The following NYAP2 variants were observed in gnomAD, a reference collection of about 807,000 sequenced individuals.
NYAP2 encodes neuronal tyrosine-phosphorylated phosphoinositide-3-kinase adapter 2.
In NYAP2, 23 loss-of-function variants were observed where a neutral mutation model predicts 50.4. The observed-to-expected ratio is 0.46, with a 90% CI of 0.33 to 0.65. The LOEUF is 0.65. Among genes scored for constraint, NYAP2 ranks in the 30% least tolerant of loss-of-function variants. NYAP2 has a pLI of 0.02. For synonymous variants in NYAP2, 394 were observed against 365.2 expected (o/e 1.08, Z -0.90); for missense variants, 885 against 861.0 (o/e 1.03, Z -0.35).
chr2:225,436,723 T>C (rs1299554546), intron 3 of NYAP2, among the ~76,000 whole-genome samples: 2 of 147,434 alleles, frequency 1.4e-5, no homozygotes, highest in Middle Eastern at 3.5e-3. Flanking sequence ...ACTCTGATAG[T>C]TTTCTTCTGT....
chr2:225,443,752 A>G (rs1484752135), intron 3 of NYAP2, among the ~76,000 whole-genome samples: 1 of 152,186 alleles, frequency 6.6e-6, no homozygotes, highest in Non-Finnish European at 1.5e-5. Flanking sequence ...TAAAGTTTTG[A>G]GTTTTCTTCT....
intron 2 of NYAP2, among the ~76,000 whole-genome samples, chr2:225,404,363 C>T (rs1344129471): frequency 1.3e-5 from 2 of 151,854 alleles, no homozygotes; most frequent in Non-Finnish European, 2.9e-5. Flanking sequence ...CTATGAATTC[C>T]ATTTTGACAT....
intron 3 of NYAP2, among the ~76,000 whole-genome samples, chr2:225,433,029 T>C (rs1459468146): frequency 6.6e-6 from 1 of 152,178 alleles, no homozygotes; most frequent in Admixed American, 6.5e-5. Context: ...GGAAGTATAG[T>C]TTTTAGCTCA....
intron 5 of NYAP2, among the ~76,000 whole-genome samples, chr2:225,593,390 C>T (rs1403895582): frequency 6.6e-6 from 1 of 152,168 alleles, no homozygotes; most frequent in Non-Finnish European, 1.5e-5. Flanking sequence ...ATCTGTAAAT[C>T]TCCAAAGGGA....
the NYAP2 span, chr2:225,702,709 T>C: frequency 6.6e-6 from 1 of 151,756 alleles, no homozygotes; most frequent in African/African-American, 2.4e-5. Flanking sequence ...TTTAAAACTC[T>C]TTGATATTTG....
chr2:225,411,751 T>C (rs1164169236), intron 3 of NYAP2, among the ~76,000 whole-genome samples: 1 of 151,894 alleles, frequency 6.6e-6, no homozygotes, highest in Non-Finnish European at 1.5e-5. Context: ...TCAAAAGCGA[T>C]TAAAGAAGAG....
chr2:225,656,311 T>C (rs927741266), downstream of NYAP2, among the ~76,000 whole-genome samples: 1 of 152,178 alleles, frequency 6.6e-6, no homozygotes, highest in Non-Finnish European at 1.5e-5. Flanking sequence ...AGGACAAAAC[T>C]TGCCCAGCCC....
chr2:225,455,282 T>C (rs1407219084), intron 3 of NYAP2, among the ~76,000 whole-genome samples: 2 of 152,200 alleles, frequency 1.3e-5, no homozygotes, highest in African/African-American at 2.4e-5. Flanking sequence ...ACAGCAGCAA[T>C]AGGAAATGGA....
At chr2:225,420,415 AT>A (rs1275915742) in intron 3 of NYAP2, among the ~76,000 whole-genome samples, 2 of 152,118 alleles carry the variant, frequency 1.3e-5, no homozygotes, top group Non-Finnish European at 2.9e-5. Flanking sequence ...AAAACCTAAA[AT>A]AATTTTTAAA....
intron 4 of NYAP2, among the ~76,000 whole-genome samples, chr2:225,579,077 G>A (rs1692222438): frequency 6.6e-6 from 1 of 151,354 alleles, no homozygotes; most frequent in South Asian, 2.1e-4. Context: ...GACATGAAGA[G>A]ACAGAGAGAA....
intron 6 of NYAP2, among the ~76,000 whole-genome samples, chr2:225,637,070 A>G (rs976088412): frequency 6.6e-6 from 1 of 152,134 alleles, no homozygotes; most frequent in African/African-American, 2.4e-5. Flanking sequence ...AAAATGCTTT[A>G]TTGCTTTATT....
chr2:225,537,725 G>A (rs192941377), intron 4 of NYAP2, among the ~76,000 whole-genome samples: 34 of 152,134 alleles, frequency 2.2e-4, no homozygotes, highest in African/African-American at 6.7e-4. Flanking sequence ...AACCAATCAT[G>A]CCTTCCCAAC....
At chr2:225,593,789 T>C (rs908877740) in intron 5 of NYAP2, among the ~76,000 whole-genome samples, 1 of 152,250 alleles carries the variant, frequency 6.6e-6, no homozygotes, top group African/African-American at 2.4e-5. Context: ...AAGAAGGCTA[T>C]TGAACTTTAG....
At chr2:225,468,363 T>C (rs937682311) in intron 3 of NYAP2, among the ~76,000 whole-genome samples, 2 of 152,190 alleles carry the variant, frequency 1.3e-5, no homozygotes, top group African/African-American at 4.8e-5. Context: ...CTCCAGAACT[T>C]CAAAAGAATA....
At chr2:225,701,392 A>C in the NYAP2 span, 7 of 151,828 alleles carry the variant, frequency 4.6e-5, no homozygotes, top group Non-Finnish European at 1.0e-4. Flanking sequence ...CATACTTATG[A>C]AAAATGGTCC....
At chr2:225,663,353 G>T in the NYAP2 span, among the ~76,000 whole-genome samples, 1 of 152,096 alleles carries the variant, frequency 6.6e-6, no homozygotes, top group Admixed American at 6.6e-5. Context: ...AGCAGCAAAA[G>T]AGTGATTGTA....
intron 4 of NYAP2, among the ~76,000 whole-genome samples, chr2:225,569,116 G>C (rs1459434059): frequency 6.6e-6 from 1 of 152,088 alleles, no homozygotes; most frequent in East Asian, 1.9e-4. Context: ...GAAATGAATG[G>C]ACTTGGAGAA....
At chr2:225,678,341 T>C in the NYAP2 span, among the ~76,000 whole-genome samples, 1 of 152,178 alleles carries the variant, frequency 6.6e-6, no homozygotes, top group Admixed American at 6.6e-5. Flanking sequence ...GATCTATCAA[T>C]TTATTTATTC....
the NYAP2 span, among the ~76,000 whole-genome samples, chr2:225,663,146 C>T: frequency 6.6e-6 from 1 of 152,140 alleles, no homozygotes; most frequent in Non-Finnish European, 1.5e-5. Flanking sequence ...TAGGGAGAAG[C>T]AAGATGGGCC....
Sources: allele counts gnomAD v4.1 joint callset (sites outside exome capture counted in the v4.1 genomes callset), GRCh38; gene constraint gnomAD v4.1.1; transcripts MANE v1.5; gene names NCBI Gene and HGNC (gene_info 2026-07-23, HGNC 2026-07-21).